The following DMD variants were observed in gnomAD, a reference collection of about 807,000 sequenced individuals.
The protein encoded by DMD is dystrophin, also known as mutant dystrophin.
DMD carries 63 observed loss-of-function variants against 330.1 expected under a neutral mutation model. That is an observed-to-expected ratio of 0.19 (90% confidence interval 0.16 to 0.24). DMD has a LOEUF of 0.24. Ranked by LOEUF, DMD falls within the 10% of genes least tolerant of loss-of-function variation. DMD has a pLI of 1.00. For missense variants in DMD, 3,344 were observed against 2,684.1 expected (o/e 1.25, Z -5.43); for synonymous variants, 1,223 against 959.8 (o/e 1.27, Z -5.07).
intron 55 of DMD, among the ~76,000 whole-genome samples, chrX:31,511,796 G>A (rs1187677224): frequency 9.6e-5 from 10 of 104,062 alleles, no homozygotes; most frequent in East Asian, 6.2e-4. Flanking sequence ...ATAAACATAC[G>A]TGTGCATGTG....
At chrX:32,333,651 A>C (rs1354056986) in intron 41 of DMD, among the ~76,000 whole-genome samples, 2 of 111,180 alleles carry the variant, frequency 1.8e-5, no homozygotes, top group Non-Finnish European at 3.8e-5. Context: ...TTAAGTTTTG[A>C]AAATCCTAAG....
At chrX:32,037,006 T>C (rs1255119731) in intron 44 of DMD, among the ~76,000 whole-genome samples, 1 of 111,574 alleles carries the variant, frequency 9.0e-6, no homozygotes, top group Non-Finnish European at 1.9e-5. Flanking sequence ...CCTTTGCTGC[T>C]AGAAGTCAAT....
chrX:32,648,615 T>C (rs1445776492), intron 9 of DMD, among the ~76,000 whole-genome samples: 1 of 111,832 alleles, frequency 8.9e-6, no homozygotes, highest in Non-Finnish European at 1.9e-5. Flanking sequence ...TAAAACAAAA[T>C]TGGAAATGGC....
intron 2 of DMD, among the ~76,000 whole-genome samples, chrX:33,015,530 G>A (rs2093785262): frequency 9.0e-6 from 1 of 110,631 alleles, no homozygotes; most frequent in South Asian, 3.9e-4. Context: ...AGGGTGGGAG[G>A]AGGGAGAGGA....
chrX:33,025,162 T>A (rs144421029), intron 1 of DMD, among the ~76,000 whole-genome samples: 1 of 111,754 alleles, frequency 8.9e-6, no homozygotes, highest in Non-Finnish European at 1.9e-5. Context: ...AGAAAAGATA[T>A]TTTGGAGAAG....
intron 1 of DMD, among the ~76,000 whole-genome samples, chrX:33,081,007 C>CACACACACACAA (rs1441153335): frequency 6.1e-5 from 6 of 98,057 alleles, no homozygotes; most frequent in Non-Finnish European, 8.2e-5. Context: ...CACACACACA[C>CACACACACACAA]AAAAACACAT....
intron 18 of DMD, among the ~76,000 whole-genome samples, chrX:32,515,707 A>G (rs2045791131): frequency 9.0e-6 from 1 of 111,713 alleles, no homozygotes; most frequent in African/African-American, 3.2e-5. Flanking sequence ...GTGTCCTAGA[A>G]TATTGATTCT....
intron 52 of DMD, among the ~76,000 whole-genome samples, chrX:31,698,469 G>GT (rs1172547487): frequency 8.9e-6 from 1 of 112,108 alleles, no homozygotes; most frequent in African/African-American, 3.2e-5. Context: ...CTAGAGTAAT[G>GT]TAAGCATAAC....
intron 1 of DMD, among the ~76,000 whole-genome samples, chrX:33,026,357 G>GAAAATAAA (rs1350086980): frequency 1.5e-5 from 1 of 65,888 alleles, no homozygotes; most frequent in African/African-American, 5.4e-5. Flanking sequence ...AGAAAGAAAA[G>GAAAATAAA]AAAATAAAGA....
At chrX:33,044,538 A>T (rs1280729839) in intron 1 of DMD, among the ~76,000 whole-genome samples, 3 of 112,344 alleles carry the variant, frequency 2.7e-5, no homozygotes, top group African/African-American at 6.5e-5. Context: ...AACTTCGGAA[A>T]TAATTTATGT....
intron 9 of DMD, among the ~76,000 whole-genome samples, chrX:32,667,967 T>G (rs1368820450): frequency 1.0e-5 from 1 of 99,285 alleles, no homozygotes; most frequent in Non-Finnish European, 1.9e-5. Context: ...TAGCAAAACC[T>G]TGTCACTATT....
At chrX:32,636,628 A>G (rs1415679477) in intron 11 of DMD, among the ~76,000 whole-genome samples, 1 of 111,944 alleles carries the variant, frequency 8.9e-6, no homozygotes, top group African/African-American at 3.3e-5. Context: ...AAATGCAAAC[A>G]CATTTATTTT....
intron 44 of DMD, among the ~76,000 whole-genome samples, chrX:32,123,821 C>T (rs1274179634): frequency 8.9e-6 from 1 of 112,153 alleles, no homozygotes; most frequent in Non-Finnish European, 1.9e-5. Flanking sequence ...AGGAAATAGA[C>T]TGTACACTTT....
chrX:32,688,564 C>T (rs973149599), intron 9 of DMD, among the ~76,000 whole-genome samples: 1 of 111,928 alleles, frequency 8.9e-6, no homozygotes. Context: ...TCCCCTCTAA[C>T]ACTCTATGTG....
chrX:32,095,598 A>G (rs1349567017), intron 44 of DMD, among the ~76,000 whole-genome samples: 1 of 112,504 alleles, frequency 8.9e-6, no homozygotes, highest in Non-Finnish European at 1.9e-5. Flanking sequence ...ACATCAAAGT[A>G]CATTCTAGTT....
intron 5 of DMD, among the ~76,000 whole-genome samples, chrX:32,820,367 A>G (rs1469218847): frequency 1.8e-5 from 2 of 111,405 alleles, no homozygotes; most frequent in East Asian, 2.8e-4. Flanking sequence ...GCATGAACCC[A>G]GGAGGCGGAG....
chrX:32,693,092 G>A (rs1449763957), intron 9 of DMD, among the ~76,000 whole-genome samples: 1 of 111,436 alleles, frequency 9.0e-6, no homozygotes, highest in Non-Finnish European at 1.9e-5. Context: ...AGGTAAGAGT[G>A]ATGTCATATG....
In DMD at chrX:31,302,930, A is replaced by C. The variant is rs145033421; in HGVS notation, c.9224+20668T>G. Among the ~76,000 whole-genome samples, 35 of 111,540 alleles carry C rather than the reference A, an allele frequency of 3.1e-4. No homozygotes were observed. In the East Asian group the frequency reaches 9.3e-3, roughly 30 times the overall value. ...AGATTAAGAGTTCTAGGAAATACAA[A>C]AAGATCCACAGTACAAAAAAACAAA... On this transcript the variant is annotated intron_variant, in intron 62 of 78. Coordinates refer to ENST00000357033, the MANE Select transcript of DMD (RefSeq NM_004006.3).
chrX:33,291,284 C>T (rs2092031250), intron 1 of DMD, among the ~76,000 whole-genome samples: 2 of 111,439 alleles, frequency 1.8e-5, no homozygotes, highest in South Asian at 7.4e-4. Context: ...TTATGACAAA[C>T]CCACAGACAA....
Sources: allele counts gnomAD v4.1 joint callset (sites outside exome capture counted in the v4.1 genomes callset), GRCh38; gene constraint gnomAD v4.1.1; transcripts MANE v1.5; gene names NCBI Gene and HGNC (gene_info 2026-07-23, HGNC 2026-07-21).